The following MEF2D variants were observed in gnomAD, a reference collection of about 807,000 sequenced individuals.
MEF2D encodes the protein myocyte enhancer factor 2D.
Under a neutral mutation model 59.3 loss-of-function variants are expected in MEF2D, and 10 were observed. The observed-to-expected ratio is 0.17, with a 90% CI of 0.10 to 0.29. MEF2D has a LOEUF of 0.29. MEF2D is among the 10% of genes least tolerant of loss of function. The pLI is 1.00. For synonymous variants in MEF2D, 305 were observed against 295.0 expected, an observed-to-expected ratio of 1.03 and a Z score of -0.35; for missense variants, 508 against 699.4, an observed-to-expected ratio of 0.73 and a Z score of 3.09.
intron 1 of MEF2D, among the ~76,000 whole-genome samples, chr1:156,499,888 G>A (rs1233054860): frequency 1.3e-5 from 2 of 151,840 alleles, no homozygotes; most frequent in Admixed American, 6.6e-5. Flanking sequence ...CACGGGCCCC[G>A]GAGACACACA....
In MEF2D at chr1:156,477,215, C is replaced by A; in HGVS notation, c.665-13G>T. On this transcript the variant is annotated splice_polypyrimidine_tract_variant and intron_variant, in intron 6 of 11. Coordinates refer to ENST00000348159, the MANE Select transcript of MEF2D (RefSeq NM_005920.4). ...ACGTAGCCATTCCCTGGAGAAGTGACAACAAGAGGGTAAAAGGAAAAACAT... is the reference window on the plus strand; with the variant it reads ...ACGTAGCCATTCCCTGGAGAAGTGAAAACAAGAGGGTAAAAGGAAAAACAT... The A allele has an allele frequency of 6.3e-7, 1 of 1,579,976 alleles. No individual in the cohort carries two copies.
Position 156,468,947 on chromosome 1 carries a change from A to G in MEF2D, c.1080T>C (p.Asn360=), listed in dbSNP as rs1479896684. 2.5e-6 allele frequency: 4 copies of G among 1,613,808 alleles called. No individual in the cohort carries two copies. Among genetic ancestry groups the G allele is most frequent in the Non-Finnish European group, 3.4e-6 (4 of 1,179,898 alleles). The change falls in exon 10 of 12, where the codon AAT becomes AAC. Residue 360 remains asparagine (N), a synonymous_variant. Coordinates refer to ENST00000348159, the MANE Select transcript of MEF2D (RefSeq NM_005920.4). The surrounding 1 kb of genome is among the most constrained non-coding windows in gnomAD (Gnocchi z 4.3). ...GCTGTGGCTGTTGCCAGGCAGTGAC[A>G]TTGCCTAGCGACAGCCCCCCAGGTG... The part of the protein sequence containing the change: ...FSSPGGLSLG[N]VTAWQQPQQP...
intron 2 of MEF2D, 49 bp from the exon 3 acceptor site, chr1:156,482,689 G>C: frequency 6.4e-7 from 1 of 1,564,342 alleles, no homozygotes; most frequent in Non-Finnish European, 8.8e-7. Flanking sequence ...GTTAAGGCCT[G>C]ATTGGGAGTC....
At chr1:156,493,173 A>C (rs577733089) in intron 1 of MEF2D, among the ~76,000 whole-genome samples, 2 of 152,164 alleles carry the variant, frequency 1.3e-5, no homozygotes, top group Non-Finnish European at 2.9e-5. Flanking sequence ...CATGAGAGCT[A>C]AGAGAGAGGG....
chr1:156,483,426 G>T lies in MEF2D; in HGVS notation c.-134C>A. The stretch of plus-strand genomic sequence containing the variant: ...TGGTCTGCAGGATACCTTCTGCACA[G>T]CCTCCTGGAAAGGGAGGGTCATGAG... On this transcript the variant is annotated 5_prime_UTR_variant, in exon 2 of 12. In the 5' UTR this introduces an upstream ATG that the reference lacks. Coordinates refer to ENST00000348159, the MANE Select transcript of MEF2D (RefSeq NM_005920.4). 1.2e-6 allele frequency: 1 copy of T among 849,496 alleles called. No individual in the cohort carries two copies. Among genetic ancestry groups the T allele is most frequent in the Non-Finnish European group, 1.9e-6 (1 of 516,812 alleles). 52.6% of individuals were successfully genotyped at this position (849,496 alleles called of 1,614,324 possible).
In MEF2D at chr1:156,468,663, C is replaced by T. The variant is rs1156417673; in HGVS notation, c.1247+117G>A. On this transcript the variant is annotated intron_variant, in intron 10 of 11. Coordinates refer to ENST00000348159, the MANE Select transcript of MEF2D (RefSeq NM_005920.4). The surrounding 1 kb of genome is among the most constrained non-coding windows in gnomAD (Gnocchi z 4.3). ...GTTGCCTAACAGACTGTGCAGTGCA[C>T]AGCCTCATAGGATGTCCACTAGAAC... 1.5e-5 allele frequency: 23 copies of T among 1,495,460 alleles called. No homozygotes were observed. Among genetic ancestry groups the T allele is most frequent in the Non-Finnish European group, 1.9e-5 (21 of 1,108,652 alleles). The allele number at this position is 1,495,460 out of a possible 1,614,324, so 92.6% of individuals were successfully genotyped here.
intron 1 of MEF2D, among the ~76,000 whole-genome samples, 177 bp downstream of exon 1, chr1:156,500,309 T>C (rs1005365556): frequency 2.0e-5 from 3 of 152,082 alleles, no homozygotes; most frequent in African/African-American, 4.8e-5. Flanking sequence ...GTCCCCTAGG[T>C]AATCCCCGCC....
chr1:156,490,691 G>A (rs1328803951), intron 1 of MEF2D: 1 of 152,226 alleles, frequency 6.6e-6, no homozygotes, highest in African/African-American at 2.4e-5. Flanking sequence ...ACGGTATGGA[G>A]AGCAGGGCTG....
rs932611400 is a variant in MEF2D at position 156,468,358 on chromosome 1, G to C, written c.1248-59C>G. ...ATAAAAACAGAGGGGGTGAGTGACAGAACAAGTGATAGGACACCAGACAGA... is the reference window on the plus strand; with the variant it reads ...ATAAAAACAGAGGGGGTGAGTGACACAACAAGTGATAGGACACCAGACAGA... On this transcript the variant is annotated intron_variant, in intron 10 of 11. Coordinates refer to ENST00000348159, the MANE Select transcript of MEF2D (RefSeq NM_005920.4). The surrounding 1 kb of genome is among the most constrained non-coding windows in gnomAD (Gnocchi z 4.3). The C allele has an allele frequency of 9.5e-5, 120 of 1,264,334 alleles. No individual in the cohort carries two copies. Among genetic ancestry groups the C allele is most frequent in the Middle Eastern group, 2.8e-4 (1 of 3,580 alleles). The allele number at this position is 1,264,334 out of a possible 1,614,324, so 78.3% of individuals were successfully genotyped here.
intron 9 of MEF2D, among the ~76,000 whole-genome samples, chr1:156,472,982 T>G (rs1557878741): frequency 6.6e-6 from 1 of 151,680 alleles, no homozygotes; most frequent in Non-Finnish European, 1.5e-5. Flanking sequence ...AGTGCTGAGA[T>G]TACAGGCGTG....
rs1670710562 is a variant in MEF2D, at chr1:156,464,425, A to G, written c.*3220T>C. The G allele has an allele frequency of 8.8e-6, 1 of 113,904 alleles. No individual in the cohort carries two copies. Among genetic ancestry groups the G allele is most frequent in the African/African-American group, 3.6e-5 (1 of 27,698 alleles). 7.1% of individuals were successfully genotyped at this position (113,904 alleles called of 1,614,324 possible). ...CTGAGTGTGCTGTTGAGGGGGGGAGAATGGTGTGTTCCACTGAGGTGGTGG... is the reference window on the plus strand; with the variant it reads ...CTGAGTGTGCTGTTGAGGGGGGGAGGATGGTGTGTTCCACTGAGGTGGTGG... On this transcript the variant is annotated 3_prime_UTR_variant, in exon 12 of 12. Coordinates refer to ENST00000348159, the MANE Select transcript of MEF2D (RefSeq NM_005920.4).
chr1:156,490,228 CCT>C (rs2102224556), intron 1 of MEF2D, among the ~76,000 whole-genome samples: 1 of 152,242 alleles, frequency 6.6e-6, no homozygotes, highest in African/African-American at 2.4e-5. Flanking sequence ...CTCCTGGGCC[CCT>C]CTCGGGTCTC....
rs1179427005 is a variant in MEF2D at position 156,467,339 on chromosome 1, T to G, written c.*306A>C. ...CCCCCCACCCCCTTCCTGCAGCATATGTGTACAACGTGCAAAGTGTCCCCC... is the reference window on the plus strand; with the variant it reads ...CCCCCCACCCCCTTCCTGCAGCATAGGTGTACAACGTGCAAAGTGTCCCCC... On this transcript the variant is annotated 3_prime_UTR_variant, in exon 12 of 12. Transcript: ENST00000348159. 1 of 154,648 alleles carries G rather than the reference T, an allele frequency of 6.5e-6. No homozygotes were observed. The highest frequency in any genetic ancestry group is 2.5e-5 in the African/African-American group (1 of 40,696). 9.6% of individuals were successfully genotyped at this position (154,648 alleles called of 1,614,324 possible).
chr1:156,492,919 C>T (rs1672898378), intron 1 of MEF2D, among the ~76,000 whole-genome samples: 1 of 152,216 alleles, frequency 6.6e-6, no homozygotes. Context: ...AGGGGAGGGA[C>T]TTCCCATGGA....
Position 156,468,693 on chromosome 1 carries a change from C to T in MEF2D, c.1247+87G>A, listed in dbSNP as rs751848298. 35 of 1,548,780 alleles carry T rather than the reference C, an allele frequency of 2.3e-5. No homozygotes were observed. The highest frequency in any genetic ancestry group is 3.0e-5 in the Non-Finnish European group (34 of 1,143,000). Reference sequence around the variant, plus strand: ...TCATAGGATGTCCACTAGAACCCTGCAGGGAACCCAGCTCCCAAGAGGTCC... The same window carrying T: ...TCATAGGATGTCCACTAGAACCCTGTAGGGAACCCAGCTCCCAAGAGGTCC... On this transcript the variant is annotated intron_variant, in intron 10 of 11. Coordinates refer to ENST00000348159, the MANE Select transcript of MEF2D (RefSeq NM_005920.4). This position sits in a 1 kb window ranked among gnomAD's most constrained non-coding sequence, Gnocchi z 4.3.
In MEF2D at chr1:156,467,982, T is replaced by C. The variant is rs201100865; in HGVS notation, c.1554+11A>G. The C allele has an allele frequency of 6.2e-6, 10 of 1,604,320 alleles. No individual in the cohort carries two copies. The East Asian group carries it at 2.2e-4, about 36-fold the overall frequency. Reference sequence around the variant, plus strand: ...AGACACTGGCAGACAGGAGAGGTGATGCTACAGTACCCAGGTATCAAGCCG... The same window carrying C: ...AGACACTGGCAGACAGGAGAGGTGACGCTACAGTACCCAGGTATCAAGCCG... On this transcript the variant is annotated intron_variant, in intron 11 of 11. Coordinates refer to ENST00000348159, the MANE Select transcript of MEF2D (RefSeq NM_005920.4).
chr1:156,498,253 G>T (rs985255346), intron 1 of MEF2D, among the ~76,000 whole-genome samples: 1 of 152,082 alleles, frequency 6.6e-6, no homozygotes, highest in Admixed American at 6.5e-5. Context: ...GGGGCACCAA[G>T]CACAGAGTGG....
chr1:156,475,232 A>T lies in MEF2D; in HGVS notation c.882T>A (p.Asn294Lys). ...HLTEDHLDLN[N>K]AQRLGVSQST... ...ACTGGGAGACCCCAAGGCGCTGGGC[A>T]TTGTTCTGTAGGAGAAAACTGTCCG... The change falls in exon 9 of 12, where the codon AAT becomes AAA. Residue 294 changes from asparagine (N) to lysine (K), a missense_variant. Coordinates refer to ENST00000348159, the MANE Select transcript of MEF2D (RefSeq NM_005920.4). 6.2e-7 allele frequency: 1 copy of T among 1,608,344 alleles called. No homozygotes were observed. Among genetic ancestry groups the T allele is most frequent in the Non-Finnish European group, 8.5e-7 (1 of 1,177,218 alleles).
Position 156,480,846 on chromosome 1 carries a change from G to T in MEF2D, c.384C>A (p.Phe128Leu). The change falls in exon 4 of 12, where the codon TTC (phenylalanine) becomes TTA (leucine). Residue 128 changes from phenylalanine (F) to leucine (L), a missense_variant. This residue lies in a region of MEF2D where 481 missense variants were observed against 584.7 expected (regional missense o/e 0.82). Transcript: ENST00000348159. ...RRASEELDGL[F>L]RRYGSTVPAP... is the part of the protein sequence containing the mutation. ...GAGTGGGGCTCACCCCATAGCGCCG[G>T]AAGAGCCCGTCGAGCTCCTCGCTGG... 6.3e-7 allele frequency: 1 copy of T among 1,595,300 alleles called. No individual in the cohort carries two copies. The highest frequency in any genetic ancestry group is 8.5e-7 in the Non-Finnish European group (1 of 1,171,172).
Sources: allele counts gnomAD v4.1 joint callset (sites outside exome capture counted in the v4.1 genomes callset), GRCh38; gene constraint gnomAD v4.1.1; regional missense constraint gnomAD v4.1.1; non-coding constraint Gnocchi (gnomAD v3.1); transcripts MANE v1.5; gene names NCBI Gene and HGNC (gene_info 2026-07-23, HGNC 2026-07-21).